The following EPHA6 variants were observed in gnomAD, a reference collection of about 807,000 sequenced individuals.
EPHA6 encodes the protein ephrin type-A receptor 6.
A neutral mutation model predicts 112.0 loss-of-function variants in EPHA6; 50 were observed. The observed-to-expected ratio is 0.45, with a 90% CI of 0.36 to 0.56. EPHA6 has a LOEUF of 0.56. EPHA6 is among the 20% of genes least tolerant of loss of function. The pLI is 0.00. For missense variants in EPHA6, 1,280 were observed against 1,417.4 expected, an observed-to-expected ratio of 0.90 and a Z score of 1.56; for synonymous variants, 529 against 490.7, an observed-to-expected ratio of 1.08 and a Z score of -1.03.
intron 3 of EPHA6, among the ~76,000 whole-genome samples, chr3:97,090,981 A>G (rs1409384987): frequency 6.6e-6 from 1 of 152,142 alleles, no homozygotes; most frequent in African/African-American, 2.4e-5. Context: ...TAATTACAGT[A>G]ATAATATTGA....
intron 3 of EPHA6, among the ~76,000 whole-genome samples, chr3:97,058,178 C>G (rs1244599406): frequency 1.3e-5 from 2 of 151,554 alleles, no homozygotes; most frequent in Non-Finnish European, 2.9e-5. Flanking sequence ...TTTACATATA[C>G]AAAGGTATGC....
At chr3:97,072,292 A>G (rs2046384989) in intron 3 of EPHA6, among the ~76,000 whole-genome samples, 1 of 152,138 alleles carries the variant, frequency 6.6e-6, no homozygotes, top group Admixed American at 6.6e-5. Flanking sequence ...GTCTTTGCCA[A>G]TAATGAGGTT....
At chr3:97,528,937 T>C (rs149801800) in intron 10 of EPHA6, among the ~76,000 whole-genome samples, 56 of 152,276 alleles carry the variant, frequency 3.7e-4, no homozygotes, top group African/African-American at 1.2e-3. Context: ...GAAACTAGAC[T>C]GTGGTGATTT....
intron 11 of EPHA6, among the ~76,000 whole-genome samples, chr3:97,542,227 T>C (rs1249440446): frequency 6.6e-6 from 1 of 152,132 alleles, no homozygotes; most frequent in Non-Finnish European, 1.5e-5. Context: ...TATCTCCTAA[T>C]GCTATCCCTC....
intron 3 of EPHA6, among the ~76,000 whole-genome samples, chr3:97,165,020 T>G (rs556132033): frequency 2.0e-4 from 30 of 152,260 alleles, no homozygotes; most frequent in African/African-American, 6.7e-4. Flanking sequence ...CACAGCTTAA[T>G]ATGTAAGACC....
rs531863858 is a variant in EPHA6, at chr3:97,142,737, T to A, written c.1115-83527T>A. 2.0e-5 allele frequency among the ~76,000 whole-genome samples: 3 copies of A among 151,808 alleles called. No individual in the cohort carries two copies. In the South Asian group the frequency reaches 6.2e-4, roughly 31 times the overall value. On this transcript the variant is annotated intron_variant, in intron 3 of 17. Coordinates refer to ENST00000389672, the MANE Select transcript of EPHA6 (RefSeq NM_001080448.3). ...TTCACAGCCCAATCTTACCAGACTATCTATCTCAATAGACACAGAAAAAGC... is the reference window on the plus strand; with the variant it reads ...TTCACAGCCCAATCTTACCAGACTAACTATCTCAATAGACACAGAAAAAGC...
chr3:97,269,581 C>G (rs554463514), intron 5 of EPHA6, among the ~76,000 whole-genome samples: 1 of 152,300 alleles, frequency 6.6e-6, no homozygotes, highest in East Asian at 1.9e-4. Context: ...TGGCTACACA[C>G]GAGAACCACT....
intron 3 of EPHA6, among the ~76,000 whole-genome samples, chr3:97,145,053 T>C (rs2076005106): frequency 6.6e-6 from 1 of 151,534 alleles, no homozygotes; most frequent in Non-Finnish European, 1.5e-5. Context: ...GTATAGAATA[T>C]AAGTATTTAA....
intron 3 of EPHA6, among the ~76,000 whole-genome samples, chr3:97,065,804 T>A (rs545815250): frequency 1.1e-4 from 16 of 152,158 alleles, no homozygotes; most frequent in Admixed American, 9.2e-4. Flanking sequence ...TGTGTTCAGA[T>A]CATATGATAC....
At chr3:96,999,626 G>A (rs534277942) in intron 3 of EPHA6, among the ~76,000 whole-genome samples, 1 of 152,062 alleles carries the variant, frequency 6.6e-6, no homozygotes, top group South Asian at 2.1e-4. Flanking sequence ...TGCCATGGAA[G>A]AGGAAGACCA....
intron 6 of EPHA6, among the ~76,000 whole-genome samples, chr3:97,435,279 A>G (rs910002552): frequency 1.3e-5 from 2 of 152,220 alleles, no homozygotes; most frequent in African/African-American, 4.8e-5. Context: ...ATTTAAAAAT[A>G]TGTATTTTCA....
intron 3 of EPHA6, among the ~76,000 whole-genome samples, chr3:97,100,236 T>TTA (rs1293756151): frequency 6.7e-6 from 1 of 149,564 alleles, no homozygotes; most frequent in African/African-American, 2.4e-5. Context: ...TAAATATAGT[T>TTA]TATATATATC....
intron 5 of EPHA6, among the ~76,000 whole-genome samples, chr3:97,249,035 A>G (rs561602477): frequency 1.2e-4 from 18 of 149,644 alleles, no homozygotes; most frequent in Non-Finnish European, 2.7e-4. Flanking sequence ...CCTATGCAAT[A>G]CTATTCAAAG....
chr3:97,363,018 T>C (rs963935960), intron 5 of EPHA6, among the ~76,000 whole-genome samples: 7 of 150,450 alleles, frequency 4.7e-5, no homozygotes, highest in Admixed American at 6.6e-5. Flanking sequence ...GTTTTGCTTT[T>C]TCTAGAAGTG....
intron 1 of EPHA6, among the ~76,000 whole-genome samples, chr3:96,822,622 A>G (rs2033347833): frequency 6.6e-6 from 1 of 151,588 alleles, no homozygotes; most frequent in South Asian, 2.1e-4. Context: ...TTAATTTATT[A>G]TTTTACTCTT....
chr3:97,293,730 G>C (rs774637062), intron 5 of EPHA6, among the ~76,000 whole-genome samples: 23 of 152,202 alleles, frequency 1.5e-4, no homozygotes, highest in Admixed American at 2.6e-4. Context: ...CCAGGCTTCA[G>C]GTAATTCCTG....
At chr3:97,213,255 A>G (rs932230722) in intron 3 of EPHA6, among the ~76,000 whole-genome samples, 1 of 152,056 alleles carries the variant, frequency 6.6e-6, no homozygotes, top group Non-Finnish European at 1.5e-5. Context: ...AACTACATTC[A>G]CTTCCAGGGC....
At chr3:97,617,815 C>T (rs923688609) in intron 13 of EPHA6, among the ~76,000 whole-genome samples, 2 of 152,118 alleles carry the variant, frequency 1.3e-5, no homozygotes, top group African/African-American at 4.8e-5. Context: ...GACTTAGACT[C>T]CCACACAATA....
chr3:97,370,358 G>A (rs2084976506), intron 5 of EPHA6, among the ~76,000 whole-genome samples: 1 of 152,076 alleles, frequency 6.6e-6, no homozygotes, highest in Admixed American at 6.6e-5. Flanking sequence ...GAAAGTCCTT[G>A]ACCACAAAAA....
Sources: gnomAD v4.1 joint callset for allele counts (sites outside exome capture counted in the v4.1 genomes callset) on GRCh38, gnomAD v4.1.1 for gene constraint, MANE v1.5 for transcripts, NCBI Gene and HGNC (gene_info 2026-07-23, HGNC 2026-07-21) for gene names.